The following EXOC7 variants were observed in gnomAD, a reference collection of about 807,000 sequenced individuals.
EXOC7 encodes the protein exocyst complex component Exo70.
EXOC7 carries 51 observed loss-of-function variants against 87.6 expected under a neutral mutation model. The observed-to-expected ratio is 0.58, with a 90% CI of 0.46 to 0.73. The LOEUF is 0.73. EXOC7 is among the 30% of genes least tolerant of loss of function. The pLI is 0.00. For synonymous variants in EXOC7, 327 were observed against 357.1 expected (o/e 0.92, Z 0.95); for missense variants, 744 against 888.4 (o/e 0.84, Z 2.07).
intron 7 of EXOC7, chr17:76,090,463 G>A (rs1286710384): frequency 6.4e-7 from 1 of 1,551,640 alleles, no homozygotes. Flanking sequence ...GCCGCCCCTT[G>A]GGGTACAGGG....
Position 76,088,221 on chromosome 17 carries a change from A to G in EXOC7, c.1300-99T>C. The stretch of plus-strand genomic sequence containing the variant: ...TGCCGCCTCCTGGCAGACGGGTGCT[A>G]GGACACCTCTCAGGCACAAAGGCTG... On this transcript the variant is annotated intron_variant, in intron 10 of 18. Transcript: ENST00000589210. 3.1e-6 allele frequency: 4 copies of G among 1,277,336 alleles called. No individual in the cohort carries two copies. In the South Asian group the frequency reaches 3.8e-5, roughly 12 times the overall value. 79.1% of individuals were successfully genotyped at this position (1,277,336 alleles called of 1,614,324 possible).
At chr17:76,090,908 G>A (rs1408885601) in intron 7 of EXOC7, 5 of 582,380 alleles carry the variant, frequency 8.6e-6, no homozygotes, top group South Asian at 2.0e-5. Context: ...GACAGGGAAG[G>A]GAGGAGGGAA....
chr17:76,092,297 T>TTG (rs1555638669), intron 6 of EXOC7: 1 of 142,890 alleles, frequency 7.0e-6, no homozygotes, highest in African/African-American at 2.8e-5. Context: ...GCTTGTTTTT[T>TTG]TTTTTTTTTT....
At position 76,087,729 on chromosome 17, in the gene EXOC7, G is replaced by T. The variant is rs887819356; in HGVS notation, c.1363-9C>A. 7.7e-5 allele frequency: 120 copies of T among 1,550,738 alleles called. No individual in the cohort carries two copies. Among genetic ancestry groups the T allele is most frequent in the Non-Finnish European group, 9.2e-5 (105 of 1,146,958 alleles). ...TGCAGGAAGAGGATGGCCTGGGTGG[G>T]AAGAAAACGGTGCAGAAGGGCAAGT... On this transcript the variant is annotated splice_polypyrimidine_tract_variant and intron_variant, in intron 11 of 18. Transcript: ENST00000589210.
intron 12 of EXOC7, 107 bp from the exon 13 acceptor site, chr17:76,086,252 G>T (rs927539886): frequency 2.3e-5 from 25 of 1,092,208 alleles, no homozygotes; most frequent in Non-Finnish European, 6.8e-6. Context: ...CAGGCCCTGG[G>T]CTTCCTTGGG....
chr17:76,089,111 G>T (rs989967605), intron 8 of EXOC7, 64 bp downstream of exon 8: 2 of 1,601,474 alleles, frequency 1.2e-6, no homozygotes, highest in East Asian at 2.2e-5. Flanking sequence ...GTTGAGGGCT[G>T]CAAGAGTCTG....
intron 7 of EXOC7, among the ~76,000 whole-genome samples, chr17:76,089,984 A>G (rs1015521660): frequency 6.6e-6 from 1 of 152,240 alleles, no homozygotes; most frequent in Non-Finnish European, 1.5e-5. Flanking sequence ...GCCTGGTCCT[A>G]TGTGCCAAGG....
chr17:76,100,342 T>C (rs1237675703), intron 4 of EXOC7, among the ~76,000 whole-genome samples: 1 of 151,980 alleles, frequency 6.6e-6, no homozygotes, highest in Admixed American at 6.6e-5. Context: ...AAATAGCACA[T>C]TTTGGCCAGG....
At chr17:76,101,501 C>A in intron 3 of EXOC7, 125 bp from the exon 4 acceptor site, 2 of 1,437,314 alleles carry the variant, frequency 1.4e-6, no homozygotes, top group South Asian at 2.8e-5. Context: ...TATCCCCCCA[C>A]TGCCTTTTAA....
In EXOC7 at chr17:76,096,338, ACCCTGT is replaced by A. The variant is rs370789122; in HGVS notation, c.640+1452_640+1457del. On this transcript the variant is annotated intron_variant, in intron 5 of 18. Coordinates refer to ENST00000589210, the MANE Select transcript of EXOC7 (RefSeq NM_001013839.4). ...AAACCAGCCTGGGCAACATGGTGAA[ACCCTGT>A]CCCTACCAAAAAATACAAAAATTAG... 2.1e-3 allele frequency among the ~76,000 whole-genome samples: 322 copies of A among 152,036 alleles called. 2 individuals carry two copies. Among genetic ancestry groups the A allele is most frequent in the African/African-American group, 7.6e-3 (314 of 41,494 alleles).
At chr17:76,087,351 AG>A in intron 12 of EXOC7, 2 of 465,854 alleles carry the variant, frequency 4.3e-6, no homozygotes, top group Non-Finnish European at 7.7e-6. Context: ...AGGATTTGGG[AG>A]GGGGGCAGGG....
At chr17:76,100,778 C>T (rs8080878) in intron 4 of EXOC7, among the ~76,000 whole-genome samples, 16,582 of 152,112 alleles carry the variant, frequency 0.11, 2,552 homozygotes, top group African/African-American at 0.34. Context: ...GTCAGGAGTT[C>T]GAGACCAGTC....
chr17:76,102,675 C>CA (rs2068129977), intron 2 of EXOC7, among the ~76,000 whole-genome samples: 4 of 152,174 alleles, frequency 2.6e-5, no homozygotes, highest in African/African-American at 9.6e-5. Flanking sequence ...TGACTAAATG[C>CA]AAATACAAGT....
At chr17:76,094,146 G>A in intron 6 of EXOC7, 1 of 352,352 alleles carries the variant, frequency 2.8e-6, no homozygotes, top group Non-Finnish European at 5.2e-6. Context: ...TCTGCCTCAG[G>A]CGGGATTCGC....
rs1373641117 is a variant in EXOC7, at chr17:76,082,502, C to G, written c.*1146G>C. On this transcript the variant is annotated 3_prime_UTR_variant, in exon 19 of 19. Transcript: ENST00000589210. Reference sequence around the variant, plus strand: ...GTAAAGGGGTCACAGAGAAGCTGGCCTGAGACTGCTGACCGCATCTTCTTC... The same window carrying G: ...GTAAAGGGGTCACAGAGAAGCTGGCGTGAGACTGCTGACCGCATCTTCTTC... The G allele has an allele frequency of 2.5e-6, 4 of 1,613,546 alleles. No homozygotes were observed. The highest frequency in any genetic ancestry group is 3.4e-6 in the Non-Finnish European group (4 of 1,179,856).
intron 4 of EXOC7, among the ~76,000 whole-genome samples, chr17:76,099,718 C>T (rs2067963327): frequency 6.6e-6 from 1 of 152,090 alleles, no homozygotes; most frequent in African/African-American, 2.4e-5. Flanking sequence ...TAGGCAAATC[C>T]ATAAAGACAG....
At chr17:76,101,020 A>T in intron 4 of EXOC7, 1 of 529,054 alleles carries the variant, frequency 1.9e-6, no homozygotes, top group Non-Finnish European at 2.5e-6. Flanking sequence ...ATCAAATGTT[A>T]AGTTTATATT....
At position 76,081,278 on chromosome 17, in the gene EXOC7, C is replaced by T. The variant is rs1216604653; in HGVS notation, c.*2370G>A. 8 of 1,613,478 alleles carry T rather than the reference C, an allele frequency of 5.0e-6. No homozygotes were observed. The highest frequency in any genetic ancestry group is 2.2e-5 in the South Asian group (2 of 91,060). The stretch of plus-strand genomic sequence containing the variant: ...CATAGTTCTCATTCCCACCCCTCAG[C>T]GATGGAGTTAGAGTTCCAGGCCCAC... On this transcript the variant is annotated 3_prime_UTR_variant, in exon 19 of 19. Coordinates refer to ENST00000589210, the MANE Select transcript of EXOC7 (RefSeq NM_001013839.4).
Position 76,097,853 on chromosome 17 carries a change from C to T in EXOC7, c.583G>A (p.Val195Met), listed in dbSNP as rs151088510. The change falls in exon 5 of 19, where the codon GTG (valine) becomes ATG (methionine). Residue 195 changes from valine (V) to methionine (M), a missense_variant. Around this residue, in one of 3 missense-constraint regions of EXOC7, gnomAD observed 512 missense variants for 573.0 expected, o/e 0.89. Transcript: ENST00000589210. ...GAGATGCGAATGACATCCTGGAGCA[C>T]GCTCTCGGGCAGGTGCTCCAGGGTC... ...DVTLEHLPES[V>M]LQDVIRISRW... 4,766 of 1,614,050 alleles carry T rather than the reference C, an allele frequency of 3.0e-3. 16 individuals are homozygous for T. Among genetic ancestry groups the T allele is most frequent in the Middle Eastern group, 4.6e-3 (28 of 6,060 alleles).
Sources: allele counts gnomAD v4.1 joint callset (sites outside exome capture counted in the v4.1 genomes callset), GRCh38; gene constraint gnomAD v4.1.1; regional missense constraint gnomAD v4.1.1; transcripts MANE v1.5; gene names NCBI Gene and HGNC (gene_info 2026-07-23, HGNC 2026-07-21).